TTR: variants seen among roughly 807,000 people sequenced by gnomAD.
The protein encoded by TTR is epididymis luminal protein 111.
In TTR, 8 loss-of-function variants were observed where a neutral mutation model predicts 13.7. That is an observed-to-expected ratio of 0.58 (90% CI 0.34 to 1.05). The LOEUF (loss-of-function observed/expected upper bound fraction) is 1.05, where lower values mean the gene tolerates loss of function less well. Among genes scored for constraint, TTR ranks in the 50% least tolerant of loss-of-function variants. The pLI is 0.02. For missense variants in TTR, 135 were observed against 185.5 expected (o/e 0.73, Z 1.58); for synonymous variants, 75 against 71.7 (o/e 1.05, Z -0.23).
rs1221178462 is a variant in TTR at position 31,591,976 on chromosome 18, G to C, written c.69+5G>C. 4 of 1,613,964 alleles carry C rather than the reference G, an allele frequency of 2.5e-6. No individual in the cohort carries two copies. Among genetic ancestry groups the C allele is most frequent in the Non-Finnish European group, 3.4e-6 (4 of 1,179,966 alleles). On this transcript the variant is annotated splice_donor_5th_base_variant and intron_variant, in intron 1 of 3. Transcript: ENST00000237014. ...GTGTCTGAGGCTGGCCCTACGGTGAGTGTTTCTGTGACATCCCATTCCTAC... is the reference window on the plus strand; with the variant it reads ...GTGTCTGAGGCTGGCCCTACGGTGACTGTTTCTGTGACATCCCATTCCTAC...
At chr18:31,592,773 C>A (rs1374171035) in intron 1 of TTR, 123 bp from the exon 2 acceptor site, 2 of 1,306,200 alleles carry the variant, frequency 1.5e-6, no homozygotes, top group African/African-American at 2.9e-5. Context: ...TCGACACTTA[C>A]GTTCCTGATA....
intron 2 of TTR, among the ~76,000 whole-genome samples, chr18:31,594,175 G>A (rs1012513865): frequency 2.6e-5 from 4 of 152,096 alleles, no homozygotes; most frequent in Non-Finnish European, 4.4e-5. Flanking sequence ...GAAGAAAGGA[G>A]GAGGGGCATA....
At position 31,598,797 on chromosome 18, in the gene TTR, C is replaced by T; in HGVS notation, c.*122C>T. The T allele has an allele frequency of 9.8e-7, 1 of 1,024,048 alleles. No homozygotes were observed. The highest frequency in any genetic ancestry group is 1.4e-5 in the South Asian group (1 of 74,042). 63.4% of individuals were successfully genotyped at this position (1,024,048 alleles called of 1,614,324 possible). ...GCTATGTTAGAAGTCCAGGCAGAGA[C>T]AATAAAACATTCCTGTGAAAGGCAC... On this transcript the variant is annotated 3_prime_UTR_variant, in exon 4 of 4. Coordinates refer to ENST00000237014, the MANE Select transcript of TTR (RefSeq NM_000371.4).
At chr18:31,596,537 C>A (rs1288938593) in intron 3 of TTR, among the ~76,000 whole-genome samples, 1 of 152,140 alleles carries the variant, frequency 6.6e-6, no homozygotes, top group African/African-American at 2.4e-5. Context: ...CTGTTGTTTG[C>A]CCAAGAGCTG....
chr18:31,598,241 C>G (rs1184205906), intron 3 of TTR: 5 of 405,126 alleles, frequency 1.2e-5, no homozygotes, highest in Non-Finnish European at 1.4e-5. Context: ...TGCATTCTCC[C>G]TACCTTTTTT....
rs1380447419 is a variant in TTR, at chr18:31,592,995, G to A, written c.169G>A (p.Ala57Thr). The A allele has an allele frequency of 6.8e-6, 11 of 1,614,098 alleles. No individual in the cohort carries two copies. Among genetic ancestry groups the A allele is most frequent in the African/African-American group, 1.3e-5 (1 of 75,056 alleles). ...GGCCGTGCATGTGTTCAGAAAGGCT[G>A]CTGATGACACCTGGGAGCCATTTGC... ...NVAVHVFRKA[A>T]DDTWEPFASG... The change falls in exon 2 of 4, where the codon GCT (alanine) becomes ACT (threonine). Residue 57 changes from alanine to threonine, a missense_variant. Physicochemically the swap from Ala to Thr is moderately conservative, Grantham distance 58. Coordinates refer to ENST00000237014, the MANE Select transcript of TTR (RefSeq NM_000371.4).
Position 31,592,902 on chromosome 18 carries a change from G to A in TTR, c.76G>A (p.Gly26Ser), listed in dbSNP as rs1800458. 107,914 of 1,613,656 alleles carry A rather than the reference G, an allele frequency of 0.067. 4,228 individuals carry two copies. Among genetic ancestry groups the A allele is most frequent in the Non-Finnish European group, 0.078 (92,438 of 1,179,726 alleles). Reference sequence around the variant, plus strand: ...GTGTCTTCTCTACACCCAGGGCACCGGTGAATCCAAGTGTCCTCTGATGGT... The same window carrying A: ...GTGTCTTCTCTACACCCAGGGCACCAGTGAATCCAAGTGTCCTCTGATGGT... ...FVSEAGPTGT[G>S]ESKCPLMVKV... The change falls in exon 2 of 4, where the codon GGT becomes AGT. Residue 26 changes from glycine (G) to serine (S), a missense_variant. By Grantham distance (56) the Gly-to-Ser change is moderately conservative (BLOSUM62 0). Transcript: ENST00000237014.
intron 1 of TTR, 111 bp downstream of exon 1, chr18:31,592,082 C>T (rs1192984488): frequency 3.8e-6 from 4 of 1,044,734 alleles, no homozygotes; most frequent in Admixed American, 1.8e-5. Context: ...GCAAGGGTAC[C>T]CAGCATCTAT....
In TTR at chr18:31,593,031, GT is replaced by G. The variant is rs1204783100; in HGVS notation, c.200+7del. 1 of 1,613,794 alleles carries G rather than the reference GT, an allele frequency of 6.2e-7. No individual in the cohort carries two copies. The highest frequency in any genetic ancestry group is 1.7e-5 in the Admixed American group (1 of 59,994). On this transcript the variant is annotated splice_donor_region_variant and intron_variant, in intron 2 of 3. Coordinates refer to ENST00000237014, the MANE Select transcript of TTR (RefSeq NM_000371.4). ...CTGGGAGCCATTTGCCTCTGGGTAA[GT>G]TGCCAAAGAACCCTCCCACAGGACT...
In TTR at chr18:31,592,944, G is replaced by A. The variant is rs121918093; in HGVS notation, c.118G>A (p.Val40Ile). The A allele has an allele frequency of 1.2e-6, 2 of 1,614,026 alleles. No individual in the cohort carries two copies. Among genetic ancestry groups the A allele is most frequent in the Non-Finnish European group, 1.7e-6 (2 of 1,180,000 alleles). ...CPLMVKVLDA[V>I]RGSPAINVAV... The stretch of plus-strand genomic sequence containing the variant: ...TCTGATGGTCAAAGTTCTAGATGCT[G>A]TCCGAGGCAGTCCTGCCATCAATGT... Residue 40 changes from valine to isoleucine, a missense_variant, in exon 2 of 4, where the codon GTC (valine) becomes ATC (isoleucine). Physicochemically the swap from Val to Ile is conservative, Grantham distance 29. Coordinates refer to ENST00000237014, the MANE Select transcript of TTR (RefSeq NM_000371.4).
intron 1 of TTR, 85 bp from the exon 2 acceptor site, chr18:31,592,811 G>C (rs568081089): frequency 6.4e-7 from 1 of 1,572,404 alleles, no homozygotes; most frequent in African/African-American, 1.4e-5. Flanking sequence ...TTCTTGTTTC[G>C]CTCCAGATTT....
intron 3 of TTR, chr18:31,595,457 C>G (rs1321593488): frequency 1.4e-6 from 1 of 722,582 alleles, no homozygotes; most frequent in East Asian, 2.8e-5. Flanking sequence ...TGAAAATCCA[C>G]TTAGTAACAT....
rs761765608 is a variant in TTR, at chr18:31,595,126, C to G, written c.207C>G (p.Thr69=). Residue 69 remains threonine (T), a synonymous_variant, in exon 3 of 4, where the codon ACC becomes ACG. Coordinates refer to ENST00000237014, the MANE Select transcript of TTR (RefSeq NM_000371.4). ...DTWEPFASGK[T]SESGELHGLT... ...AGACTTTCACACCTTATAGGAAAAC[C>G]AGTGAGTCTGGAGAGCTGCATGGGC... 1.2e-6 allele frequency: 2 copies of G among 1,614,096 alleles called. No homozygotes were observed. Among genetic ancestry groups the G allele is most frequent in the East Asian group, 4.5e-5 (2 of 44,864 alleles).
chr18:31,594,223 C>T (rs151080646), intron 2 of TTR, among the ~76,000 whole-genome samples: 265 of 152,166 alleles, frequency 1.7e-3, no homozygotes, highest in Admixed American at 3.9e-3. Context: ...TTTTATCTAT[C>T]GTAGCTGTTG....
intron 2 of TTR, chr18:31,593,257 T>A (rs2073496136): frequency 2.0e-6 from 1 of 490,804 alleles, no homozygotes; most frequent in Non-Finnish European, 3.6e-6. Flanking sequence ...AAAGAAGGAA[T>A]CAGAACTCCT....
intron 2 of TTR, chr18:31,593,400 G>C (rs992106498): frequency 3.7e-6 from 1 of 273,850 alleles, no homozygotes; most frequent in African/African-American, 2.2e-5. Context: ...GATTTTAGGA[G>C]TTTCACAGAT....
chr18:31,592,945 T>C lies in TTR; in HGVS notation c.119T>C (p.Val40Ala), dbSNP rs1258875883. Residue 40 changes from valine (V) to alanine (A), a missense_variant, in exon 2 of 4, where the codon GTC becomes GCC. Val to Ala is a moderately conservative substitution (Grantham distance 64). Transcript: ENST00000237014. ...CTGATGGTCAAAGTTCTAGATGCTGTCCGAGGCAGTCCTGCCATCAATGTG... is the reference window on the plus strand; with the variant it reads ...CTGATGGTCAAAGTTCTAGATGCTGCCCGAGGCAGTCCTGCCATCAATGTG... ...CPLMVKVLDA[V>A]RGSPAINVAV... 1.2e-6 allele frequency: 2 copies of C among 1,614,102 alleles called. No homozygotes were observed. The highest frequency in any genetic ancestry group is 4.5e-5 in the East Asian group (2 of 44,884).
At position 31,598,627 on chromosome 18, in the gene TTR, C is replaced by T. The variant is rs2144414307; in HGVS notation, c.396C>T (p.Ser132=). Residue 132 remains serine (S), a synonymous_variant, in exon 4 of 4, where the codon AGC becomes AGT. Transcript: ENST00000237014. The part of the protein sequence containing the change: ...PRRYTIAALL[S]PYSYSTTAVV... The stretch of plus-strand genomic sequence containing the variant: ...GCTACACCATTGCCGCCCTGCTGAG[C>T]CCCTACTCCTATTCCACCACGGCTG... 6.2e-7 allele frequency: 1 copy of T among 1,614,208 alleles called. No individual in the cohort carries two copies. The highest frequency in any genetic ancestry group is 8.5e-7 in the Non-Finnish European group (1 of 1,180,048).
At chr18:31,592,874 C>CA in intron 1 of TTR, 22 bp from the exon 2 acceptor site, 4 of 1,613,298 alleles carry the variant, frequency 2.5e-6, no homozygotes, top group Non-Finnish European at 3.4e-6. Flanking sequence ...GTTAACTTCT[C>CA]ACGTGTCTTC....
Sources: gnomAD v4.1 joint callset for allele counts (sites outside exome capture counted in the v4.1 genomes callset) on GRCh38, gnomAD v4.1.1 for gene constraint, MANE v1.5 for transcripts, NCBI Gene and HGNC (gene_info 2026-07-23, HGNC 2026-07-21) for gene names.